Variants in CCNJL observed in about 807,000 individuals in gnomAD.
The protein encoded by CCNJL is cyclin-J-like protein.
CCNJL carries 33 observed loss-of-function variants against 33.4 expected under a neutral mutation model. The observed-to-expected ratio is 0.99, with a 90% CI of 0.75 to 1.32. CCNJL has a LOEUF of 1.32. Ranked by LOEUF, CCNJL falls within the 40% of genes most tolerant of loss-of-function variation. CCNJL has a pLI of 0.00. For synonymous variants in CCNJL, 227 were observed against 220.9 expected, an observed-to-expected ratio of 1.03 and a Z score of -0.24; for missense variants, 512 against 499.7, an observed-to-expected ratio of 1.02 and a Z score of -0.23.
chr5:160,316,178 A>G (rs1763377064), upstream of CCNJL, among the ~76,000 whole-genome samples: 2 of 152,212 alleles, frequency 1.3e-5, no homozygotes, highest in South Asian at 4.1e-4. Flanking sequence ...TGCCCTTAGC[A>G]GAGAAGGCTT....
upstream of CCNJL, among the ~76,000 whole-genome samples, chr5:160,314,041 C>T (rs943695902): frequency 2.0e-5 from 3 of 152,126 alleles, no homozygotes; most frequent in Admixed American, 6.5e-5. Context: ...TGGTGGTGCA[C>T]GCCTGTAATC....
chr5:160,322,739 C>G (rs1322187315), intron 1 of CCNJL, among the ~76,000 whole-genome samples: 1 of 138,776 alleles, frequency 7.2e-6, no homozygotes, highest in Non-Finnish European at 1.6e-5. Context: ...AACCCCATCT[C>G]TACTAAAGCT....
chr5:160,316,478 T>C (rs1763381774), upstream of CCNJL, among the ~76,000 whole-genome samples: 1 of 152,172 alleles, frequency 6.6e-6, no homozygotes, highest in Non-Finnish European at 1.5e-5. Context: ...GGTCTAATAT[T>C]TTCACTGTGA....
chr5:160,321,684 G>A (rs1318798855), intron 1 of CCNJL, among the ~76,000 whole-genome samples: 4 of 152,206 alleles, frequency 2.6e-5, no homozygotes, highest in Non-Finnish European at 5.9e-5. Flanking sequence ...GCTCACGCCT[G>A]TAATCCCAGC....
rs529142888 is a variant in CCNJL at position 160,283,684 on chromosome 5, AC to A, written c.67-2947del. 8.1e-4 allele frequency among the ~76,000 whole-genome samples: 124 copies of A among 152,156 alleles called. No homozygotes were observed. In the South Asian group the frequency reaches 0.015, roughly 18 times the overall value. Reference sequence around the variant, plus strand: ...TACAATTAAGATATTGATTATATTCACCCCGTTGTGCAATACAATAGTATGT... The same window carrying A: ...TACAATTAAGATATTGATTATATTCACCCGTTGTGCAATACAATAGTATGT... On this transcript the variant is annotated intron_variant, in intron 2 of 5. Coordinates refer to ENST00000257536, the MANE Select transcript of CCNJL (RefSeq NM_001308173.3).
chr5:160,318,072 A>G lies in CCNJL; in HGVS notation n.207-2567T>C, dbSNP rs374935304. On this transcript the variant is annotated intron_variant and non_coding_transcript_variant, in intron 1 of 7. Coordinates refer to the CCNJL transcript ENST00000377503. ...TCACTCTGTTGCCAGGCTGGAGTGCAGTAGCACAATCTCGGCTCACTGCAA... is the reference window on the plus strand; with the variant it reads ...TCACTCTGTTGCCAGGCTGGAGTGCGGTAGCACAATCTCGGCTCACTGCAA... Among the ~76,000 whole-genome samples, 336 of 150,800 alleles carry G rather than the reference A, an allele frequency of 2.2e-3. 1 individual carries two copies. Among genetic ancestry groups the G allele is most frequent in the African/African-American group, 7.9e-3 (323 of 41,060 alleles).
At chr5:160,289,341 A>G (rs1248875441) in intron 2 of CCNJL, among the ~76,000 whole-genome samples, 1 of 152,198 alleles carries the variant, frequency 6.6e-6, no homozygotes, top group African/African-American at 2.4e-5. Context: ...CTGCTGGCTC[A>G]GTGAATGGAC....
chr5:160,259,509 G>C lies in CCNJL; in HGVS notation c.543C>G (p.Leu181=). ...TTCPRKTKEC[L]KEYAHYFLEV... ...CTAGGAAGTAATGGGCATACTCCTT[G>C]AGGCACTCTTTGGTCTTGCGGGGGC... Residue 181 remains leucine, a synonymous_variant, in exon 4 of 6, where the codon CTC becomes CTG. Transcript: ENST00000257536. The C allele has an allele frequency of 6.2e-7, 1 of 1,614,170 alleles. No individual in the cohort carries two copies. The highest frequency in any genetic ancestry group is 1.1e-5 in the South Asian group (1 of 91,068).
At chr5:160,277,449 G>A (rs1298699283) in intron 3 of CCNJL, among the ~76,000 whole-genome samples, 1 of 152,226 alleles carries the variant, frequency 6.6e-6, no homozygotes, top group Non-Finnish European at 1.5e-5. Context: ...GAGGGGTGCT[G>A]TATAAGATGA....
intron 4 of CCNJL, among the ~76,000 whole-genome samples, chr5:160,259,018 G>T (rs576543986): frequency 6.6e-6 from 1 of 152,144 alleles, no homozygotes; most frequent in South Asian, 2.1e-4. Flanking sequence ...TTAACATCTA[G>T]ATTTTAAAAC....
intron 1 of CCNJL, 92 bp from the exon 2 acceptor site, chr5:160,312,064 C>T (rs1763281860): frequency 1.3e-6 from 1 of 792,352 alleles, no homozygotes; most frequent in East Asian, 2.7e-5. Flanking sequence ...GCCCCGGGCC[C>T]CGGCGGGCGC....
At chr5:160,329,027 G>T (rs993767031) in intron 1 of CCNJL, among the ~76,000 whole-genome samples, 2 of 152,122 alleles carry the variant, frequency 1.3e-5, no homozygotes, top group Non-Finnish European at 2.9e-5. Flanking sequence ...CTCTAACCAC[G>T]AGGCTCCCCT....
rs1364986792 is a variant in CCNJL at position 160,307,082 on chromosome 5, A to G, written c.66+4776T>C. On this transcript the variant is annotated intron_variant, in intron 2 of 5. Coordinates refer to ENST00000257536, the MANE Select transcript of CCNJL (RefSeq NM_001308173.3). ...GCAGATGCCGAAGACGAGATGAAGG[A>G]TTCCCAGGAAGCATCCCTGCACACA... Among the ~76,000 whole-genome samples, 4 of 152,238 alleles carry G rather than the reference A, an allele frequency of 2.6e-5. No individual in the cohort carries two copies. The East Asian group carries it at 7.7e-4, about 29-fold the overall frequency.
chr5:160,306,430 G>A (rs371475367), intron 2 of CCNJL, among the ~76,000 whole-genome samples: 4 of 152,254 alleles, frequency 2.6e-5, no homozygotes, highest in South Asian at 2.1e-4. Flanking sequence ...GGTATCACAT[G>A]ACTCCCGTCT....
intron 2 of CCNJL, among the ~76,000 whole-genome samples, chr5:160,285,850 T>C (rs909321865): frequency 6.6e-6 from 1 of 152,238 alleles, no homozygotes; most frequent in African/African-American, 2.4e-5. Flanking sequence ...TGAGCAGCCT[T>C]GCATAGAGAT....
intron 2 of CCNJL, among the ~76,000 whole-genome samples, chr5:160,295,121 GT>G (rs1332631745): frequency 6.6e-6 from 1 of 152,228 alleles, no homozygotes; most frequent in African/African-American, 2.4e-5. Context: ...TAAAAAGGGG[GT>G]TCCCCCCCGT....
intron 2 of CCNJL, among the ~76,000 whole-genome samples, chr5:160,309,484 G>C (rs1355591574): frequency 6.6e-6 from 1 of 152,228 alleles, no homozygotes; most frequent in Non-Finnish European, 1.5e-5. Flanking sequence ...TCAACTAAGA[G>C]TGTCTACTGT....
At chr5:160,269,229 C>T (rs757536824) in intron 3 of CCNJL, among the ~76,000 whole-genome samples, 10 of 152,178 alleles carry the variant, frequency 6.6e-5, no homozygotes, top group South Asian at 2.1e-4. Context: ...CATCACACTG[C>T]GGCCTCAGGC....
chr5:160,273,119 A>G (rs987403222), intron 3 of CCNJL, among the ~76,000 whole-genome samples: 1 of 152,210 alleles, frequency 6.6e-6, no homozygotes, highest in Non-Finnish European at 1.5e-5. Context: ...CTTGTTATTC[A>G]TGTCAGTTAT....
Sources: allele counts gnomAD v4.1 joint callset (sites outside exome capture counted in the v4.1 genomes callset), GRCh38; gene constraint gnomAD v4.1.1; transcripts MANE v1.5; gene names NCBI Gene and HGNC (gene_info 2026-07-23, HGNC 2026-07-21).